The following IL1RAPL1 variants were observed in gnomAD, a reference collection of about 807,000 sequenced individuals.
The protein encoded by IL1RAPL1 is interleukin 1 receptor accessory protein like 1, also known as interleukin-1 receptor accessory protein-like 1.
Under a neutral mutation model 48.4 loss-of-function variants are expected in IL1RAPL1, and 3 were observed. The ratio of observed to expected loss-of-function variants is 0.06; its 90% CI spans 0.03 to 0.16. IL1RAPL1 has a LOEUF of 0.16. IL1RAPL1 is among the 10% of genes least tolerant of loss of function. The probability of loss-of-function intolerance (pLI) is 1.00; values close to 1 mark genes in which losing one functional copy is unlikely to be tolerated. For synonymous variants in IL1RAPL1, 185 were observed against 187.7 expected (o/e 0.99, Z 0.12); for missense variants, 349 against 530.6 (o/e 0.66, Z 3.36).
intron 5 of IL1RAPL1, among the ~76,000 whole-genome samples, chrX:29,608,551 G>C (rs1431469442): frequency 9.0e-6 from 1 of 111,479 alleles, no homozygotes; most frequent in Non-Finnish European, 1.9e-5. Context: ...AGGAGGCCGG[G>C]CGCGGTGGCT....
At chrX:29,552,802 CT>C (rs765234944) in intron 5 of IL1RAPL1, among the ~76,000 whole-genome samples, 215 of 23,011 alleles carry the variant, frequency 9.3e-3, no homozygotes, top group African/African-American at 0.034. Flanking sequence ...TTTCACTCTC[CT>C]TTTTTTTTTT....
chrX:29,109,256 G>A (rs894406686), intron 2 of IL1RAPL1, among the ~76,000 whole-genome samples: 12 of 106,738 alleles, frequency 1.1e-4, no homozygotes, highest in Non-Finnish European at 1.9e-4. Context: ...ATAGGTTATT[G>A]AGGAAAAATA....
chrX:29,295,469 CTT>C (rs1569279153), intron 3 of IL1RAPL1, among the ~76,000 whole-genome samples: 1 of 111,606 alleles, frequency 9.0e-6, no homozygotes, highest in East Asian at 2.8e-4. Context: ...AAAGGTGTAA[CTT>C]TGCATCTTTG....
At chrX:29,375,684 T>A (rs1338052254) in intron 3 of IL1RAPL1, among the ~76,000 whole-genome samples, 1 of 112,093 alleles carries the variant, frequency 8.9e-6, no homozygotes, top group Admixed American at 9.5e-5. Context: ...TCATTACAGC[T>A]TCCTCACATT....
rs1017639283 is a variant in IL1RAPL1, at chrX:29,226,624, G to A, written c.83-56314G>A. On this transcript the variant is annotated intron_variant, in intron 2 of 10. Coordinates refer to ENST00000378993, the MANE Select transcript of IL1RAPL1 (RefSeq NM_014271.4). The stretch of plus-strand genomic sequence containing the variant: ...TTTTTTTTGTATTTTTAGTAGAGAC[G>A]GGGTTTCATCACGTTGGCCAGGCTG... 3.7e-5 allele frequency among the ~76,000 whole-genome samples: 4 copies of A among 108,313 alleles called. No homozygotes were observed. The Admixed American group carries it at 4.0e-4, about 11-fold the overall frequency. The allele number at this position is 108,313 out of a possible 115,157, so 94.1% of individuals were successfully genotyped here.
rs765477668 is a variant in IL1RAPL1 at position 29,396,319 on chromosome X, C to G, written c.424C>G (p.Leu142Val). 44 of 1,205,030 alleles carry G rather than the reference C, an allele frequency of 3.7e-5. No individual in the cohort carries two copies. Among genetic ancestry groups the G allele is most frequent in the Non-Finnish European group, 4.8e-5 (43 of 890,422 alleles). Residue 142 changes from leucine (L) to valine (V), a missense_variant, in exon 4 of 11, where the codon CTC becomes GTC. Leu to Val is a conservative substitution (Grantham distance 32). This residue lies in a region of IL1RAPL1 where 238 missense variants were observed against 337.8 expected (regional missense o/e 0.70). Transcript: ENST00000378993. The part of the protein sequence containing the change: ...SLTVGENDTG[L>V]CYNSKMKYFE... ...GACAGTGGGTGAAAATGACACTGGA[C>G]TCTGCTATAATTCCAAGATGAAGTA...
At chrX:29,627,960 G>GTGCTGTA (rs1000262607) in intron 5 of IL1RAPL1, among the ~76,000 whole-genome samples, 30 of 112,032 alleles carry the variant, frequency 2.7e-4, no homozygotes, top group African/African-American at 9.7e-4. Flanking sequence ...TGATTTCTGA[G>GTGCTGTA]TGCTGTATGC....
chrX:28,676,449 A>G (rs1344922337), intron 1 of IL1RAPL1, among the ~76,000 whole-genome samples: 1 of 111,528 alleles, frequency 9.0e-6, no homozygotes, highest in East Asian at 2.8e-4. Flanking sequence ...CACTTATTTT[A>G]TGGCTGGGTG....
intron 5 of IL1RAPL1, among the ~76,000 whole-genome samples, chrX:29,448,397 G>A (rs1431079742): frequency 1.8e-5 from 2 of 111,952 alleles, no homozygotes; most frequent in Non-Finnish European, 3.8e-5. Flanking sequence ...CCATATTACA[G>A]AGATTGAGTA....
intron 5 of IL1RAPL1, among the ~76,000 whole-genome samples, chrX:29,460,623 A>G (rs1163946384): frequency 8.9e-6 from 1 of 112,297 alleles, no homozygotes; most frequent in Middle Eastern, 4.2e-3. Flanking sequence ...TATGTGTACT[A>G]ATACCACTAT....
intron 3 of IL1RAPL1, among the ~76,000 whole-genome samples, chrX:29,355,297 A>G (rs954997796): frequency 2.7e-5 from 3 of 111,832 alleles, no homozygotes; most frequent in Admixed American, 9.5e-5. Flanking sequence ...GGTCTCCTAC[A>G]ATCTTAATAT....
intron 6 of IL1RAPL1, among the ~76,000 whole-genome samples, chrX:29,813,302 CA>C (rs1434234497): frequency 9.0e-6 from 1 of 111,235 alleles, no homozygotes; most frequent in African/African-American, 3.3e-5. Flanking sequence ...TAAAATTAAT[CA>C]AAAATGGGCA....
At chrX:28,849,731 A>G in intron 2 of IL1RAPL1, among the ~76,000 whole-genome samples, 1 of 111,944 alleles carries the variant, frequency 8.9e-6, no homozygotes, top group East Asian at 2.8e-4. Context: ...TTACATTAGT[A>G]CATAGGTGGT....
chrX:28,875,012 A>C (rs1374183996), intron 2 of IL1RAPL1, among the ~76,000 whole-genome samples: 2 of 112,117 alleles, frequency 1.8e-5, no homozygotes, highest in African/African-American at 3.2e-5. Flanking sequence ...ACAGGGAAAG[A>C]AGATGGTAAT....
intron 6 of IL1RAPL1, among the ~76,000 whole-genome samples, chrX:29,681,333 A>T (rs1926442852): frequency 8.9e-6 from 1 of 112,408 alleles, no homozygotes. Flanking sequence ...ACATGACATA[A>T]TATGATTTGT....
At chrX:29,650,317 A>G (rs777032248) in intron 5 of IL1RAPL1, among the ~76,000 whole-genome samples, 1 of 112,118 alleles carries the variant, frequency 8.9e-6, no homozygotes, top group Admixed American at 9.5e-5. Context: ...AAAAGAGCCA[A>G]TGCAATCTTG....
chrX:29,723,568 A>G (rs1927697304), intron 6 of IL1RAPL1, among the ~76,000 whole-genome samples: 1 of 111,649 alleles, frequency 9.0e-6, no homozygotes, highest in African/African-American at 3.3e-5. Flanking sequence ...CTTTTTGTGA[A>G]TGATTTACTT....
chrX:29,352,812 GTGT>G (rs1373571419), intron 3 of IL1RAPL1, among the ~76,000 whole-genome samples: 2 of 111,154 alleles, frequency 1.8e-5, no homozygotes, highest in Admixed American at 9.6e-5. Flanking sequence ...AAATAACCCA[GTGT>G]TGTTCCTTAT....
At chrX:29,633,468 T>TATACACACACACACAC (rs762146549) in intron 5 of IL1RAPL1, among the ~76,000 whole-genome samples, 5 of 97,731 alleles carry the variant, frequency 5.1e-5, no homozygotes, top group African/African-American at 1.9e-4. Flanking sequence ...GATATATATA[T>TATACACACACACACAC]ACACACACAC....
Sources: allele counts gnomAD v4.1 joint callset (sites outside exome capture counted in the v4.1 genomes callset), GRCh38; gene constraint gnomAD v4.1.1; regional missense constraint gnomAD v4.1.1; transcripts MANE v1.5; gene names NCBI Gene and HGNC (gene_info 2026-07-23, HGNC 2026-07-21).